Variants in STARD8 observed in about 807,000 individuals in gnomAD.
The protein encoded by STARD8 is StAR related lipid transfer domain containing 8, also known as stAR-related lipid transfer protein 8.
In STARD8, 25 loss-of-function variants were observed where a neutral mutation model predicts 69.4. The observed-to-expected ratio is 0.36, with a 90% confidence interval of 0.26 to 0.50. The LOEUF is 0.50. Ranked by LOEUF, STARD8 falls within the 20% of genes least tolerant of loss-of-function variation. The pLI, the probability that STARD8 is intolerant of heterozygous loss-of-function variation, is 0.96. For synonymous variants in STARD8, 389 were observed against 374.6 expected, an observed-to-expected ratio of 1.04 and a Z score of -0.45; for missense variants, 921 against 932.5, an observed-to-expected ratio of 0.99 and a Z score of 0.16.
chrX:68,684,944 C>T (rs991790535), intron 2 of STARD8, among the ~76,000 whole-genome samples: 3 of 112,359 alleles, frequency 2.7e-5, no homozygotes, highest in African/African-American at 9.7e-5. Flanking sequence ...TATGTGCCAC[C>T]ATTGCCCTGG....
intron 2 of STARD8, among the ~76,000 whole-genome samples, chrX:68,708,420 C>T (rs915931876): frequency 8.9e-6 from 1 of 112,672 alleles, no homozygotes; most frequent in Non-Finnish European, 1.9e-5. Flanking sequence ...TGGTTGCATC[C>T]TTCTCAGCAT....
At chrX:68,701,190 G>A (rs374335331) in intron 2 of STARD8, among the ~76,000 whole-genome samples, 1 of 112,649 alleles carries the variant, frequency 8.9e-6, no homozygotes, top group East Asian at 2.8e-4. Flanking sequence ...AGTAGTGATG[G>A]TGACACCAAT....
rs183282901 is a variant in STARD8, at chrX:68,654,608, C to G, written c.45+6681C>G. Reference sequence around the variant, plus strand: ...CCAGGCACACATTCTCAAGCACCATCTCCTGTGAATGCTCTCATCCAAGTA... The same window carrying G: ...CCAGGCACACATTCTCAAGCACCATGTCCTGTGAATGCTCTCATCCAAGTA... On this transcript the variant is annotated intron_variant, in intron 1 of 14. Coordinates refer to ENST00000374599, the MANE Select transcript of STARD8 (RefSeq NM_001142503.3). Among the ~76,000 whole-genome samples the G allele has an allele frequency of 4.5e-5, 5 of 111,973 alleles. No homozygotes were observed. In the East Asian group the frequency reaches 1.1e-3, roughly 25 times the overall value.
At chrX:68,688,450 G>A (rs1227321098) in intron 2 of STARD8, among the ~76,000 whole-genome samples, 4 of 110,064 alleles carry the variant, frequency 3.6e-5, no homozygotes, top group African/African-American at 1.4e-4. Flanking sequence ...CAGCTTCCAG[G>A]GCGCCACGTC....
At chrX:68,722,273 C>G (rs891011039) in intron 11 of STARD8, 112 bp downstream of exon 11, 3 of 836,172 alleles carry the variant, frequency 3.6e-6, no homozygotes, top group Non-Finnish European at 5.1e-6. Flanking sequence ...ACCCCTCAAG[C>G]TTATACCCCC....
Position 68,717,655 on chromosome X carries a change from T to G in STARD8, c.741T>G (p.Ser247Arg). Residue 247 changes from serine (S) to arginine (R), a missense_variant, in exon 6 of 15, where the codon AGT becomes AGG. By Grantham distance (110) the Ser-to-Arg change is moderately radical. Transcript: ENST00000374599. ...EKVSKASSFRSCRGFLSAGFY... is the reference protein window; with the variant it reads ...EKVSKASSFRRCRGFLSAGFY... ...TCTCCAAAGCCTCATCTTTCCGCAG[T>G]TGTCGTGGCTTCCTCTCAGCTGGAT... is the stretch of plus-strand genomic sequence containing the variant. 8.3e-7 allele frequency: 1 copy of G among 1,212,054 alleles called. No homozygotes were observed. Among genetic ancestry groups the G allele is most frequent in the Non-Finnish European group, 1.1e-6 (1 of 895,580 alleles).
chrX:68,713,881 G>A (rs186104373), intron 3 of STARD8, among the ~76,000 whole-genome samples: 185 of 111,740 alleles, frequency 1.7e-3, no homozygotes, highest in African/African-American at 5.6e-3. Context: ...TTGGTGTCTC[G>A]GATTAAACAG....
intron 2 of STARD8, among the ~76,000 whole-genome samples, chrX:68,694,515 C>G (rs1255358297): frequency 9.0e-6 from 1 of 111,692 alleles, no homozygotes; most frequent in Admixed American, 9.5e-5. Context: ...CCTCCTGACA[C>G]TTGTGAAAGT....
chrX:68,707,771 G>A (rs1214647811), intron 2 of STARD8, among the ~76,000 whole-genome samples: 2 of 111,407 alleles, frequency 1.8e-5, no homozygotes, highest in African/African-American at 3.3e-5. Context: ...GCCTGATACT[G>A]TCTTTATGGG....
At chrX:68,716,564 C>T in intron 5 of STARD8, 133 bp downstream of exon 5, 1 of 598,676 alleles carries the variant, frequency 1.7e-6, no homozygotes. Flanking sequence ...CTTTCCCCAG[C>T]TAGGGGTAGA....
intron 2 of STARD8, among the ~76,000 whole-genome samples, chrX:68,705,883 G>A (rs1246090159): frequency 8.9e-6 from 1 of 112,976 alleles, no homozygotes; most frequent in Non-Finnish European, 1.9e-5. Context: ...CCCTGTGGTA[G>A]AGACTAGAAG....
chrX:68,692,176 T>A (rs769047295), intron 2 of STARD8, among the ~76,000 whole-genome samples: 5 of 111,705 alleles, frequency 4.5e-5, no homozygotes, highest in Non-Finnish European at 9.4e-5. Context: ...CCAGAAGGAT[T>A]TTGCTTCTGG....
At chrX:68,686,902 T>TA (rs1419359050) in intron 2 of STARD8, among the ~76,000 whole-genome samples, 1 of 111,069 alleles carries the variant, frequency 9.0e-6, no homozygotes, top group Non-Finnish European at 1.9e-5. Context: ...CTTTGGTTAC[T>TA]AACACGTGGT....
chrX:68,675,819 C>T (rs1020035644), intron 2 of STARD8, among the ~76,000 whole-genome samples: 2 of 111,709 alleles, frequency 1.8e-5, no homozygotes, highest in Admixed American at 1.9e-4. Flanking sequence ...CTTTCCTTCT[C>T]ACGTCTGCCA....
chrX:68,668,257 T>TCTTC (rs2079703483), intron 2 of STARD8, among the ~76,000 whole-genome samples: 2 of 86,605 alleles, frequency 2.3e-5, no homozygotes, highest in South Asian at 1.0e-3. Context: ...TTTCTTTCTT[T>TCTTC]CTTTCTTTCT....
At chrX:68,652,880 C>CACACACACACCACACCCCA (rs1569350778) in intron 1 of STARD8, among the ~76,000 whole-genome samples, 3 of 55,121 alleles carry the variant, frequency 5.4e-5, no homozygotes, top group Admixed American at 2.2e-4. Context: ...CACCCACACC[C>CACACACACACCACACCCCA]CACACACACA....
At chrX:68,649,475 C>A (rs2079534222) in intron 1 of STARD8, among the ~76,000 whole-genome samples, 2 of 110,018 alleles carry the variant, frequency 1.8e-5, no homozygotes, top group South Asian at 4.0e-4. Flanking sequence ...TTTCAACCAT[C>A]TGTGGTGGAA....
At chrX:68,710,504 G>C (rs905705821) in intron 2 of STARD8, among the ~76,000 whole-genome samples, 3 of 112,136 alleles carry the variant, frequency 2.7e-5, no homozygotes, top group Non-Finnish European at 5.6e-5. Flanking sequence ...GCTAGTCTGG[G>C]ACTACACTTT....
chrX:68,704,280 A>G (rs1286233174), intron 2 of STARD8, among the ~76,000 whole-genome samples: 1 of 111,395 alleles, frequency 9.0e-6, no homozygotes, highest in East Asian at 2.8e-4. Flanking sequence ...TGGGTGTTTG[A>G]CCTCCAGCTT....
Sources: gnomAD v4.1 joint callset for allele counts (sites outside exome capture counted in the v4.1 genomes callset) on GRCh38, gnomAD v4.1.1 for gene constraint, MANE v1.5 for transcripts, NCBI Gene and HGNC (gene_info 2026-07-23, HGNC 2026-07-21) for gene names.